The following FUNDC1 variants were observed in gnomAD, a reference collection of about 807,000 sequenced individuals.
FUNDC1 encodes FUN14 domain-containing protein 1.
In FUNDC1, 10 loss-of-function variants were observed where a neutral mutation model predicts 14.5. That is an observed-to-expected ratio of 0.69 (90% CI 0.43 to 1.17). FUNDC1 has a LOEUF of 1.17. FUNDC1 is among the 50% of genes most tolerant of loss of function. FUNDC1 has a pLI of 0.00. For synonymous variants in FUNDC1, 33 were observed against 39.7 expected (o/e 0.83, Z 0.64); for missense variants, 115 against 113.8 (o/e 1.01, Z -0.05).
At chrX:44,530,381 G>A (rs780673711) in intron 3 of FUNDC1, among the ~76,000 whole-genome samples, 33 of 105,399 alleles carry the variant, frequency 3.1e-4, no homozygotes, top group Non-Finnish European at 4.7e-4. Flanking sequence ...CGAGGCAGGC[G>A]GATTACCTAA....
At chrX:44,539,046 C>T (rs1031061226) in intron 2 of FUNDC1, among the ~76,000 whole-genome samples, 2 of 111,653 alleles carry the variant, frequency 1.8e-5, no homozygotes, top group Admixed American at 1.9e-4. Context: ...AGCTTTCCTA[C>T]CATTCCTACC....
In FUNDC1 at chrX:44,524,105, A is replaced by C; in HGVS notation, c.*93T>G. 5.2e-5 allele frequency: 31 copies of C among 594,260 alleles called. No individual in the cohort carries two copies. The highest frequency in any genetic ancestry group is 6.6e-5 in the African/African-American group (3 of 45,211). 49.0% of individuals were successfully genotyped at this position (594,260 alleles called of 1,213,427 possible). A position where few individuals can be genotyped will look rare whatever the true frequency, so the allele number is the denominator to read the frequency against. ...CCAGCTAGTTGTTTCTCCTTGCCCT[A>C]GAGACTCTGGCAGTATGACTTTTGA... On this transcript the variant is annotated 3_prime_UTR_variant, in exon 5 of 5. Coordinates refer to ENST00000378045, the MANE Select transcript of FUNDC1 (RefSeq NM_173794.4).
chrX:44,531,351 CACACACA>C (rs2038924766), intron 3 of FUNDC1, among the ~76,000 whole-genome samples: 1 of 82,309 alleles, frequency 1.2e-5, no homozygotes, highest in Non-Finnish European at 2.1e-5. Context: ...CACACACACA[CACACACA>C]CACACACACA....
At chrX:44,540,324 A>G (rs2038965520) in intron 2 of FUNDC1, among the ~76,000 whole-genome samples, 1 of 111,650 alleles carries the variant, frequency 9.0e-6, no homozygotes, top group African/African-American at 3.3e-5. Context: ...TACACTGAAT[A>G]TAGTCATTGC....
chrX:44,533,248 G>A (rs5953433), intron 3 of FUNDC1, among the ~76,000 whole-genome samples: 3 of 109,998 alleles, frequency 2.7e-5, no homozygotes, highest in Admixed American at 9.8e-5. Flanking sequence ...TTGAAGGGAC[G>A]GTCTTCTAAC....
chrX:44,531,319 C>G (rs1373376266), intron 3 of FUNDC1, among the ~76,000 whole-genome samples: 1 of 34,519 alleles, frequency 2.9e-5, no homozygotes, highest in East Asian at 4.4e-3. Context: ...TGGCCAGACA[C>G]ACACACACAC....
intron 2 of FUNDC1, among the ~76,000 whole-genome samples, chrX:44,541,129 T>G (rs1188787583): frequency 8.9e-6 from 1 of 112,491 alleles, no homozygotes; most frequent in African/African-American, 3.2e-5. Context: ...TAAGATGAAT[T>G]TAAATAAGAA....
intron 3 of FUNDC1, among the ~76,000 whole-genome samples, chrX:44,527,973 C>G (rs1239017826): frequency 9.0e-6 from 1 of 111,224 alleles, no homozygotes; most frequent in African/African-American, 3.3e-5. Flanking sequence ...AGTTTCATGC[C>G]ATAAATCCTT....
At chrX:44,534,323 A>T (rs918455374) in intron 3 of FUNDC1, among the ~76,000 whole-genome samples, 4 of 110,794 alleles carry the variant, frequency 3.6e-5, no homozygotes, top group African/African-American at 1.3e-4. Flanking sequence ...ATCTCTATTT[A>T]AAAAAAATTA....
chrX:44,541,522 G>A (rs781283686), intron 2 of FUNDC1, among the ~76,000 whole-genome samples: 5 of 111,754 alleles, frequency 4.5e-5, no homozygotes, highest in Non-Finnish European at 3.8e-5. Context: ...ACACTGCTCT[G>A]TACAGGGCTG....
chrX:44,536,309 ACT>A (rs927890264), intron 3 of FUNDC1, among the ~76,000 whole-genome samples: 3 of 95,589 alleles, frequency 3.1e-5, no homozygotes, highest in African/African-American at 1.2e-4. Flanking sequence ...ACAGAGCGAG[ACT>A]CTGTCTCGAA....
chrX:44,537,434 C>T (rs751197258), intron 3 of FUNDC1, among the ~76,000 whole-genome samples: 2 of 111,557 alleles, frequency 1.8e-5, no homozygotes, highest in Non-Finnish European at 3.8e-5. Context: ...AAATTATCAT[C>T]TGTACTAATG....
At position 44,535,766 on chromosome X, in the gene FUNDC1, G is replaced by A. The variant is rs1323576548; in HGVS notation, c.261+2701C>T. ...TTTGGGAGGCCAAGGCGGGTGGATCGCCTGAGGTCAGGAGTTCGAGACCAG... is the reference window on the plus strand; with the variant it reads ...TTTGGGAGGCCAAGGCGGGTGGATCACCTGAGGTCAGGAGTTCGAGACCAG... On this transcript the variant is annotated intron_variant, in intron 3 of 4. Transcript: ENST00000378045. Among the ~76,000 whole-genome samples, 22 of 105,804 alleles carry A rather than the reference G, an allele frequency of 2.1e-4. 1 individual carries two copies. The highest frequency in any genetic ancestry group is 2.1e-4 in the Non-Finnish European group (11 of 51,480). The allele number at this position is 105,804 out of a possible 115,157, so 91.9% of individuals were successfully genotyped here. A position where few individuals can be genotyped will look rare whatever the true frequency, so the allele number is the denominator to read the frequency against.
chrX:44,542,766 G>A (rs1187476606), intron 1 of FUNDC1, 39 bp downstream of exon 1: 10 of 1,151,082 alleles, frequency 8.7e-6, no homozygotes, highest in Non-Finnish European at 1.0e-5. Context: ...AGAGCTGTGA[G>A]CCGCGTCCCA....
At chrX:44,534,572 G>A (rs2038939913) in intron 3 of FUNDC1, among the ~76,000 whole-genome samples, 1 of 106,446 alleles carries the variant, frequency 9.4e-6, no homozygotes, top group African/African-American at 3.4e-5. Context: ...GAATACTGAG[G>A]ACAAAAGAAA....
At chrX:44,532,783 C>T (rs190389021) in intron 3 of FUNDC1, among the ~76,000 whole-genome samples, 552 of 110,412 alleles carry the variant, frequency 5.0e-3, no homozygotes, top group Non-Finnish European at 8.2e-3. Context: ...AACTTCTGAC[C>T]TCAGGCGATC....
chrX:44,539,456 A>G (rs1163822544), intron 2 of FUNDC1, among the ~76,000 whole-genome samples: 1 of 111,377 alleles, frequency 9.0e-6, no homozygotes, highest in Non-Finnish European at 1.9e-5. Flanking sequence ...AGGGAAGACG[A>G]CATGTGAGGA....
chrX:44,528,083 G>A (rs1428268144), intron 3 of FUNDC1, among the ~76,000 whole-genome samples: 5 of 111,683 alleles, frequency 4.5e-5, no homozygotes, highest in Non-Finnish European at 9.4e-5. Context: ...GTGTGTGCAA[G>A]CCAGTCCAGT....
chrX:44,538,318 G>T, intron 3 of FUNDC1, 149 bp downstream of exon 3: 1 of 462,051 alleles, frequency 2.2e-6, no homozygotes, highest in Non-Finnish European at 3.8e-6. Flanking sequence ...ATCAAACTAT[G>T]CTTAATAACT....
Sources: gnomAD v4.1 joint callset for allele counts (sites outside exome capture counted in the v4.1 genomes callset) on GRCh38, gnomAD v4.1.1 for gene constraint, MANE v1.5 for transcripts, NCBI Gene and HGNC (gene_info 2026-07-23, HGNC 2026-07-21) for gene names.